Variants in SPAG16 observed in about 807,000 individuals in gnomAD.
SPAG16 encodes the protein sperm-associated antigen 16 protein.
SPAG16 carries 86 observed loss-of-function variants against 80.4 expected under a neutral mutation model. That is an observed-to-expected ratio of 1.07 (90% CI 0.90 to 1.28). SPAG16 has a LOEUF of 1.28. Ranked by LOEUF, SPAG16 falls within the 50% of genes most tolerant of loss-of-function variation. The pLI, the probability that SPAG16 is intolerant of heterozygous loss-of-function variation, is 0.00. For synonymous variants in SPAG16, 294 were observed against 265.9 expected (o/e 1.11, Z -1.03); for missense variants, 870 against 765.3 (o/e 1.14, Z -1.61).
chr2:213,821,342 A>G (rs561598424), intron 10 of SPAG16, among the ~76,000 whole-genome samples: 1 of 152,270 alleles, frequency 6.6e-6, no homozygotes, highest in South Asian at 2.1e-4. Context: ...AAAAGTTGAA[A>G]GCAAAATGAT....
intron 15 of SPAG16, among the ~76,000 whole-genome samples, chr2:214,172,862 C>A (rs1157062965): frequency 6.6e-6 from 1 of 152,122 alleles, no homozygotes; most frequent in African/African-American, 2.4e-5. Context: ...TGATGGTGAA[C>A]ATTTTTTCAT....
chr2:214,383,923 C>T (rs929845406), intron 15 of SPAG16, among the ~76,000 whole-genome samples: 1 of 2,898 alleles, frequency 3.5e-4, no homozygotes, highest in Admixed American at 2.4e-3. Context: ...CATGGCAAAC[C>T]TTTAAATCTC....
chr2:213,702,467 A>G (rs1368471825), intron 10 of SPAG16, among the ~76,000 whole-genome samples: 3 of 152,160 alleles, frequency 2.0e-5, no homozygotes, highest in African/African-American at 4.8e-5. Context: ...GAGACCACGA[A>G]CTCACCAAAA....
chr2:213,470,834 A>G lies in SPAG16; in HGVS notation c.943-19129A>G, dbSNP rs895746670. ...ACCCATAGGTGAGCACTCACATGGGATACAAATATCTTCACAGTTTTGACC... is the reference window on the plus strand; with the variant it reads ...ACCCATAGGTGAGCACTCACATGGGGTACAAATATCTTCACAGTTTTGACC... On this transcript the variant is annotated intron_variant, in intron 9 of 15. Coordinates refer to ENST00000331683, the MANE Select transcript of SPAG16 (RefSeq NM_024532.5). Among the ~76,000 whole-genome samples, 5 of 152,314 alleles carry G rather than the reference A, an allele frequency of 3.3e-5. No individual in the cohort carries two copies. The South Asian group carries it at 1.0e-3, about 32-fold the overall frequency.
intron 13 of SPAG16, among the ~76,000 whole-genome samples, chr2:214,036,688 A>G (rs1356795628): frequency 6.6e-6 from 1 of 152,154 alleles, no homozygotes; most frequent in Non-Finnish European, 1.5e-5. Flanking sequence ...ATTCACTTAC[A>G]TGTTTAATCT....
At chr2:214,177,211 A>G (rs1021549395) in intron 15 of SPAG16, among the ~76,000 whole-genome samples, 2 of 151,158 alleles carry the variant, frequency 1.3e-5, no homozygotes, top group Non-Finnish European at 3.0e-5. Flanking sequence ...TGCAGAAAGG[A>G]GCATCATTCA....
At chr2:213,420,741 C>T (rs920641061) in intron 9 of SPAG16, among the ~76,000 whole-genome samples, 2 of 152,104 alleles carry the variant, frequency 1.3e-5, no homozygotes, top group African/African-American at 4.8e-5. Flanking sequence ...TATAGAATGG[C>T]TTATGGGTTA....
At chr2:213,491,363 A>T (rs2074226573) in intron 10 of SPAG16, among the ~76,000 whole-genome samples, 1 of 152,192 alleles carries the variant, frequency 6.6e-6, no homozygotes, top group Non-Finnish European at 1.5e-5. Context: ...TTTTATCTAA[A>T]ATAAGAACTT....
At chr2:213,908,798 G>T (rs1440315366) in intron 11 of SPAG16, among the ~76,000 whole-genome samples, 3 of 146,588 alleles carry the variant, frequency 2.0e-5, no homozygotes, top group Non-Finnish European at 4.5e-5. Flanking sequence ...TATACTTTAA[G>T]TTTTAGGGTA....
intron 3 of SPAG16, among the ~76,000 whole-genome samples, chr2:213,305,802 T>C (rs1004167428): frequency 2.0e-5 from 3 of 152,162 alleles, no homozygotes; most frequent in African/African-American, 7.2e-5. Flanking sequence ...ATCAGGAATA[T>C]TGGCCTTTTA....
At chr2:213,559,515 G>T (rs114728959) in intron 10 of SPAG16, among the ~76,000 whole-genome samples, 202 of 152,176 alleles carry the variant, frequency 1.3e-3, no homozygotes, top group Non-Finnish European at 2.2e-3. Context: ...CTTACCTACA[G>T]ATTTAATCAA....
rs200535961 is a variant in SPAG16 at position 214,014,096 on chromosome 2, T to C, written c.1527+19T>C. On this transcript the variant is annotated intron_variant, in intron 13 of 15. Transcript: ENST00000331683. ...AAGAACAGTAAGCAAATCATTCACT[T>C]TTTTTCCCAGCTTTTGATAAGTCTG... 35 of 1,610,260 alleles carry C rather than the reference T, an allele frequency of 2.2e-5. No individual in the cohort carries two copies. Among genetic ancestry groups the C allele is most frequent in the Non-Finnish European group, 2.9e-5 (34 of 1,178,690 alleles).
chr2:214,141,245 G>T (rs1047528247), intron 14 of SPAG16, among the ~76,000 whole-genome samples: 3 of 151,998 alleles, frequency 2.0e-5, no homozygotes, highest in Non-Finnish European at 4.4e-5. Context: ...AAGGTAGGTG[G>T]ATCACAAGGC....
intron 11 of SPAG16, among the ~76,000 whole-genome samples, chr2:213,876,096 G>A (rs1896281): frequency 0.59 from 90,329 of 151,928 alleles, 28,744 homozygotes; most frequent in South Asian, 0.85. Context: ...AGTTTACTGT[G>A]AAAAGCATTG....
Position 213,853,497 on chromosome 2 carries a change from T to C in SPAG16, c.1071-8988T>C, listed in dbSNP as rs181657186. 2.6e-5 allele frequency among the ~76,000 whole-genome samples: 4 copies of C among 152,338 alleles called. No individual in the cohort carries two copies. The East Asian group carries it at 7.7e-4, about 29-fold the overall frequency. Reference sequence around the variant, plus strand: ...AATATTTTATGTAACATGCCTGGTATATTGTTTAACAAAACATTTTATGGA... The same window carrying C: ...AATATTTTATGTAACATGCCTGGTACATTGTTTAACAAAACATTTTATGGA... On this transcript the variant is annotated intron_variant, in intron 10 of 15. Transcript: ENST00000331683.
chr2:213,603,916 G>T (rs1040003615), intron 10 of SPAG16, among the ~76,000 whole-genome samples: 3 of 150,508 alleles, frequency 2.0e-5, no homozygotes, highest in Non-Finnish European at 4.4e-5. Flanking sequence ...CTTACCCAAA[G>T]ACTTCCTGGT....
At chr2:214,231,442 T>C (rs1390235295) in intron 15 of SPAG16, among the ~76,000 whole-genome samples, 2 of 152,004 alleles carry the variant, frequency 1.3e-5, no homozygotes, top group Admixed American at 6.6e-5. Context: ...GCAAAAATTG[T>C]CTCAGAATAG....
chr2:214,400,554 A>G (rs1701648206), intron 15 of SPAG16, among the ~76,000 whole-genome samples: 1 of 152,004 alleles, frequency 6.6e-6, no homozygotes, highest in African/African-American at 2.4e-5. Flanking sequence ...GAGCATCTGA[A>G]GAGTTTGGTA....
chr2:213,907,802 C>T lies in SPAG16; in HGVS notation c.1215-22158C>T, dbSNP rs1433484349. On this transcript the variant is annotated intron_variant, in intron 11 of 15. Transcript: ENST00000331683. ...AAGACAAATGGTGCACATTCTCTCT[C>T]ATGTGGGAGCTAAAAAAACGTTGAG... is the stretch of plus-strand genomic sequence containing the variant. 3.3e-5 allele frequency among the ~76,000 whole-genome samples: 5 copies of T among 152,196 alleles called. No homozygotes were observed. In the East Asian group the frequency reaches 9.7e-4, roughly 29 times the overall value.
Sources: allele counts gnomAD v4.1 joint callset (sites outside exome capture counted in the v4.1 genomes callset), GRCh38; gene constraint gnomAD v4.1.1; transcripts MANE v1.5; gene names NCBI Gene and HGNC (gene_info 2026-07-23, HGNC 2026-07-21).